RASA2: variants seen among roughly 807,000 people sequenced by gnomAD.
RASA2 encodes ras GTPase-activating protein 2.
In RASA2, 155 loss-of-function variants were observed where a neutral mutation model predicts 118.2. The observed-to-expected ratio is 1.31, with a 90% CI of 1.15 to 1.50. RASA2 has a LOEUF of 1.50. Ranked by LOEUF, RASA2 falls within the 40% of genes most tolerant of loss-of-function variation. RASA2 has a pLI of 0.00. For missense variants in RASA2, 1,016 were observed against 1,009.6 expected, an observed-to-expected ratio of 1.01 and a Z score of -0.09; for synonymous variants, 353 against 349.1, an observed-to-expected ratio of 1.01 and a Z score of -0.12.
intron 1 of RASA2, among the ~76,000 whole-genome samples, chr3:141,509,558 T>G (rs1245668546): frequency 1.3e-5 from 2 of 152,224 alleles, no homozygotes; most frequent in Non-Finnish European, 2.9e-5. Context: ...CCAAATTTTT[T>G]ATATTTTAGG....
chr3:141,547,212 AT>A (rs796081865), intron 5 of RASA2, among the ~76,000 whole-genome samples: 3 of 148,888 alleles, frequency 2.0e-5, no homozygotes, highest in East Asian at 2.0e-4. Context: ...AAATTTTGGG[AT>A]TTTTTTTTTC....
intron 3 of RASA2, among the ~76,000 whole-genome samples, chr3:141,518,883 A>G (rs931626809): frequency 6.6e-6 from 1 of 152,146 alleles, no homozygotes; most frequent in African/African-American, 2.4e-5. Flanking sequence ...AATTAATACC[A>G]TAGTGATCCT....
intron 1 of RASA2, among the ~76,000 whole-genome samples, chr3:141,506,848 C>T (rs1188615341): frequency 6.8e-6 from 1 of 147,302 alleles, no homozygotes; most frequent in African/African-American, 2.5e-5. Context: ...TCCAGGAAGG[C>T]GAGGCTGCAG....
chr3:141,593,699 A>G lies in RASA2; in HGVS notation c.1933+6947A>G, dbSNP rs147290681. 2.5e-3 allele frequency among the ~76,000 whole-genome samples: 388 copies of G among 152,346 alleles called. 5 individuals are homozygous for G. Among genetic ancestry groups the G allele is most frequent in the East Asian group, 0.018 (96 of 5,192 alleles). ...GAATTTTACTTAGAGAGCTTAGCAA[A>G]CACTTAAATATTTTCATCAAAATCT... On this transcript the variant is annotated intron_variant, in intron 19 of 23. Coordinates refer to ENST00000286364, the MANE Select transcript of RASA2 (RefSeq NM_006506.5).
At position 141,608,707 on chromosome 3, in the gene RASA2, T is replaced by C; in HGVS notation, c.2225+10T>C. 1.2e-6 allele frequency: 2 copies of C among 1,606,726 alleles called. No homozygotes were observed. The highest frequency in any genetic ancestry group is 1.7e-6 in the Non-Finnish European group (2 of 1,173,486). On this transcript the variant is annotated intron_variant, in intron 21 of 23. Coordinates refer to ENST00000286364, the MANE Select transcript of RASA2 (RefSeq NM_006506.5). ...GCAAGCCATGTACTGCGTAAGTTTC[T>C]TTCTGATTATAAAAGCAGTGTGTCA...
chr3:141,602,527 T>C (rs1197110603), intron 19 of RASA2, among the ~76,000 whole-genome samples: 1 of 152,216 alleles, frequency 6.6e-6, no homozygotes, highest in Non-Finnish European at 1.5e-5. Context: ...AGTACCAGTC[T>C]ATGGTCCAGA....
intron 1 of RASA2, among the ~76,000 whole-genome samples, chr3:141,498,892 T>C (rs1184114110): frequency 1.3e-5 from 2 of 152,168 alleles, no homozygotes. Flanking sequence ...TCCTGCCATA[T>C]GTACTTCAGA....
chr3:141,560,253 A>G (rs926006996), intron 9 of RASA2, among the ~76,000 whole-genome samples: 1 of 152,220 alleles, frequency 6.6e-6, no homozygotes, highest in Admixed American at 6.5e-5. Context: ...ACTCTTAAGG[A>G]GAAAAATGGG....
Position 141,529,567 on chromosome 3 carries a change from C to T in RASA2, c.356-141C>T, listed in dbSNP as rs2082229628. 1.0e-5 allele frequency: 5 copies of T among 491,550 alleles called. No homozygotes were observed. The South Asian group carries it at 3.1e-4, about 30-fold the overall frequency. The allele number at this position is 491,550 out of a possible 1,614,324, so 30.4% of individuals were successfully genotyped here. Reference sequence around the variant, plus strand: ...CATTCTTTAGAATGTAGAAAAAATGCTTTATAAAAATGGATTTTTATGTCA... The same window carrying T: ...CATTCTTTAGAATGTAGAAAAAATGTTTTATAAAAATGGATTTTTATGTCA... On this transcript the variant is annotated intron_variant, in intron 3 of 23. Transcript: ENST00000286364.
rs1404198844 is a variant in RASA2, at chr3:141,487,027, G to C, written c.-57G>C. 46 of 1,129,944 alleles carry C rather than the reference G, an allele frequency of 4.1e-5. No homozygotes were observed. Among genetic ancestry groups the C allele is most frequent in the Admixed American group, 5.2e-5 (1 of 19,310 alleles). The allele number at this position is 1,129,944 out of a possible 1,614,324, so 70.0% of individuals were successfully genotyped here. A position where few individuals can be genotyped will look rare whatever the true frequency, so the allele number is the denominator to read the frequency against. On this transcript the variant is annotated 5_prime_UTR_variant, in exon 1 of 24. Coordinates refer to ENST00000286364, the MANE Select transcript of RASA2 (RefSeq NM_006506.5). ...TGGCCTGGGCCTAGGCCGCTGCTGG[G>C]CTCCGCCTCGCCCGGCTACGCAGGC... is the stretch of plus-strand genomic sequence containing the variant.
At position 141,612,498 on chromosome 3, in the gene RASA2, C is replaced by T; in HGVS notation, c.*185C>T. The T allele has an allele frequency of 3.9e-6, 2 of 512,860 alleles. No individual in the cohort carries two copies. Among genetic ancestry groups the T allele is most frequent in the South Asian group, 3.1e-5 (1 of 32,676 alleles). The allele number at this position is 512,860 out of a possible 1,614,324, so 31.8% of individuals were successfully genotyped here. The stretch of plus-strand genomic sequence containing the variant: ...TGGGAATCCTGGTATTGATGTATTA[C>T]TAGAGAATTTAAAGCCCAAGATTCC... On this transcript the variant is annotated 3_prime_UTR_variant, in exon 24 of 24. Coordinates refer to ENST00000286364, the MANE Select transcript of RASA2 (RefSeq NM_006506.5).
chr3:141,538,036 T>G (rs1347452657), intron 4 of RASA2, among the ~76,000 whole-genome samples: 1 of 151,996 alleles, frequency 6.6e-6, no homozygotes, highest in Non-Finnish European at 1.5e-5. Flanking sequence ...TGGCTATCCC[T>G]GATCTCAAGG....
In RASA2 at chr3:141,612,420, A is replaced by G. The variant is rs996300682; in HGVS notation, c.*107A>G. ...TATTTAAGAATGAGCATCCGCTTCAATGTCATCTGCCTCCACATTGTATTT... is the reference window on the plus strand; with the variant it reads ...TATTTAAGAATGAGCATCCGCTTCAGTGTCATCTGCCTCCACATTGTATTT... On this transcript the variant is annotated 3_prime_UTR_variant, in exon 24 of 24. Coordinates refer to ENST00000286364, the MANE Select transcript of RASA2 (RefSeq NM_006506.5). 37 of 829,934 alleles carry G rather than the reference A, an allele frequency of 4.5e-5. No homozygotes were observed. Among genetic ancestry groups the G allele is most frequent in the Non-Finnish European group, 6.1e-5 (32 of 528,904 alleles). The allele number at this position is 829,934 out of a possible 1,614,324, so 51.4% of individuals were successfully genotyped here.
intron 19 of RASA2, among the ~76,000 whole-genome samples, chr3:141,595,283 G>A (rs1392559256): frequency 6.6e-6 from 1 of 152,096 alleles, no homozygotes; most frequent in Non-Finnish European, 1.5e-5. Context: ...AAATGTAAAT[G>A]AACTACAATA....
intron 4 of RASA2, among the ~76,000 whole-genome samples, chr3:141,535,823 A>G (rs74903118): frequency 0.031 from 4,668 of 152,064 alleles, 235 homozygotes; most frequent in African/African-American, 0.1. Flanking sequence ...TGAGGGATCT[A>G]CCCCCATGAT....
intron 9 of RASA2, among the ~76,000 whole-genome samples, chr3:141,570,536 T>C (rs570869546): frequency 1.5e-4 from 23 of 152,344 alleles, no homozygotes; most frequent in African/African-American, 5.5e-4. Flanking sequence ...AATTTTCAGC[T>C]AAATGCCTCT....
intron 9 of RASA2, among the ~76,000 whole-genome samples, chr3:141,568,898 A>G (rs1288733368): frequency 1.3e-5 from 2 of 152,120 alleles, no homozygotes; most frequent in African/African-American, 4.8e-5. Flanking sequence ...TTCCTTTAAT[A>G]TATTCTAATT....
At chr3:141,580,086 AT>A (rs1165447812) in intron 15 of RASA2, among the ~76,000 whole-genome samples, 2,392 of 51,078 alleles carry the variant, frequency 0.047, 16 homozygotes, top group South Asian at 0.06. Context: ...AAAAAAAAAA[AT>A]ATATATATAT....
chr3:141,524,107 C>CTAT (rs1293665539), intron 3 of RASA2, among the ~76,000 whole-genome samples: 1 of 152,132 alleles, frequency 6.6e-6, no homozygotes, highest in African/African-American at 2.4e-5. Context: ...ACTCATGATC[C>CTAT]TATTGTTTGT....
Sources: allele counts gnomAD v4.1 joint callset (sites outside exome capture counted in the v4.1 genomes callset), GRCh38; gene constraint gnomAD v4.1.1; transcripts MANE v1.5; gene names NCBI Gene and HGNC (gene_info 2026-07-23, HGNC 2026-07-21).